The following MAST4 variants were observed in gnomAD, a reference collection of about 807,000 sequenced individuals.
MAST4 encodes the protein microtubule associated serine/threonine kinase family member 4.
MAST4 carries 89 observed loss-of-function variants against 162.7 expected under a neutral mutation model. The observed-to-expected ratio is 0.55, with a 90% CI of 0.46 to 0.65. MAST4 has a LOEUF of 0.65. Among genes scored for constraint, MAST4 ranks in the 30% least tolerant of loss-of-function variants. MAST4 has a pLI of 0.00. For missense variants in MAST4, 3,153 were observed against 3,374.0 expected, an observed-to-expected ratio of 0.93 and a Z score of 1.62; for synonymous variants, 1,479 against 1,361.1, an observed-to-expected ratio of 1.09 and a Z score of -1.91.
intron 4 of MAST4, among the ~76,000 whole-genome samples, chr5:66,972,686 A>G (rs1467499327): frequency 2.0e-5 from 3 of 152,182 alleles, no homozygotes; most frequent in Non-Finnish European, 4.4e-5. Context: ...GTAGCCTTCT[A>G]GCATGTCTTC....
At chr5:66,605,779 A>G (rs957884558) in intron 1 of MAST4, among the ~76,000 whole-genome samples, 3 of 152,148 alleles carry the variant, frequency 2.0e-5, no homozygotes, top group African/African-American at 7.2e-5. Context: ...TTCAGAGGAC[A>G]AGGGATTAAA....
intron 4 of MAST4, among the ~76,000 whole-genome samples, chr5:66,915,446 A>G (rs1764049674): frequency 6.6e-6 from 1 of 152,170 alleles, no homozygotes. Flanking sequence ...GAAGATTTCT[A>G]AAAAGGTTAT....
rs1484014772 is a variant in MAST4 at position 67,078,850 on chromosome 5, A to G, written c.764-11312A>G. 4.3e-5 allele frequency among the ~76,000 whole-genome samples: 5 copies of G among 115,460 alleles called. No homozygotes were observed. In the East Asian group the frequency reaches 8.4e-4, roughly 19 times the overall value. 75.7% of individuals were successfully genotyped at this position (115,460 alleles called of 152,430 possible). A position where few individuals can be genotyped will look rare whatever the true frequency, so the allele number is the denominator to read the frequency against. On this transcript the variant is annotated intron_variant, in intron 5 of 28. Coordinates refer to ENST00000403625, the MANE Select transcript of MAST4 (RefSeq NM_001164664.2). ...TATATTTATATATTTAAATATATTT[A>G]TATATTTATATAAATATATATTTAT...
intron 1 of MAST4, among the ~76,000 whole-genome samples, chr5:66,699,852 A>C (rs1220689741): frequency 6.7e-6 from 1 of 148,982 alleles, no homozygotes; most frequent in African/African-American, 2.4e-5. Flanking sequence ...GGGTGCAGCA[A>C]ACCACCGTGG....
chr5:67,150,259 T>G (rs1431221266), intron 24 of MAST4, among the ~76,000 whole-genome samples: 1 of 152,222 alleles, frequency 6.6e-6, no homozygotes, highest in African/African-American at 2.4e-5. Flanking sequence ...CTGGCAGAAA[T>G]GAAATATACA....
intron 2 of MAST4, among the ~76,000 whole-genome samples, chr5:66,781,981 G>A (rs1031051753): frequency 6.6e-6 from 1 of 152,068 alleles, no homozygotes; most frequent in Non-Finnish European, 1.5e-5. Flanking sequence ...CCAGCTTCGG[G>A]GTGCTTTGAA....
intron 5 of MAST4, among the ~76,000 whole-genome samples, chr5:67,079,392 G>T (rs771744973): frequency 6.0e-4 from 91 of 152,084 alleles, no homozygotes; most frequent in Middle Eastern, 3.4e-3. Flanking sequence ...TAGTATTTTG[G>T]GAGGAATTTT....
chr5:66,698,651 C>T (rs191000834), intron 1 of MAST4, among the ~76,000 whole-genome samples: 2 of 152,284 alleles, frequency 1.3e-5, no homozygotes, highest in East Asian at 3.9e-4. Context: ...CTCACAGGAA[C>T]TCCATATTTA....
At chr5:66,653,145 T>C (rs1746334488) in intron 1 of MAST4, among the ~76,000 whole-genome samples, 1 of 152,230 alleles carries the variant, frequency 6.6e-6, no homozygotes, top group Non-Finnish European at 1.5e-5. Context: ...TAAATATTCA[T>C]CATTAATAGC....
intron 4 of MAST4, among the ~76,000 whole-genome samples, chr5:66,989,528 C>T (rs1434325955): frequency 2.6e-5 from 4 of 152,136 alleles, no homozygotes; most frequent in Admixed American, 2.6e-4. Flanking sequence ...GAATGCAGGT[C>T]TGTGGCTTTG....
chr5:66,870,870 C>T (rs746390971), intron 3 of MAST4: 1 of 471,286 alleles, frequency 2.1e-6, no homozygotes, highest in Non-Finnish European at 4.4e-6. Context: ...TGTCCTGTTG[C>T]CCTGGGCAAC....
intron 1 of MAST4, among the ~76,000 whole-genome samples, chr5:66,759,092 A>G (rs1404370195): frequency 6.6e-6 from 1 of 152,192 alleles, no homozygotes; most frequent in Non-Finnish European, 1.5e-5. Flanking sequence ...GATTCTTGTG[A>G]CAGGTTTTCT....
At chr5:66,975,872 G>A (rs562621234) in intron 4 of MAST4, among the ~76,000 whole-genome samples, 1 of 152,200 alleles carries the variant, frequency 6.6e-6, no homozygotes, top group African/African-American at 2.4e-5. Flanking sequence ...GTGCATACCT[G>A]TAATTCCAGC....
chr5:66,757,788 A>G (rs569132915), intron 1 of MAST4, among the ~76,000 whole-genome samples: 19 of 152,330 alleles, frequency 1.2e-4, no homozygotes, highest in African/African-American at 3.8e-4. Context: ...GTAGTTGCAA[A>G]TGTTTTTCTG....
chr5:66,623,946 G>A lies in MAST4; in HGVS notation c.363+26928G>A, dbSNP rs552335113. Reference sequence around the variant, plus strand: ...CAAAAATCAACATACAAAAACAGTGGCATATCTGTACATCAACAATAAACT... The same window carrying A: ...CAAAAATCAACATACAAAAACAGTGACATATCTGTACATCAACAATAAACT... On this transcript the variant is annotated intron_variant, in intron 1 of 28. Coordinates refer to ENST00000403625, the MANE Select transcript of MAST4 (RefSeq NM_001164664.2). 2.6e-5 allele frequency among the ~76,000 whole-genome samples: 4 copies of A among 152,166 alleles called. No homozygotes were observed. The South Asian group carries it at 8.3e-4, about 32-fold the overall frequency.
At chr5:66,607,433 G>A (rs752669397) in intron 1 of MAST4, among the ~76,000 whole-genome samples, 5 of 152,156 alleles carry the variant, frequency 3.3e-5, no homozygotes, top group Non-Finnish European at 7.4e-5. Context: ...TGGCTTTGGG[G>A]AGTTGTATTC....
intron 3 of MAST4, among the ~76,000 whole-genome samples, chr5:66,827,985 CTG>C (rs1757353897): frequency 6.6e-6 from 1 of 152,174 alleles, no homozygotes; most frequent in African/African-American, 2.4e-5. Context: ...CTGAGACAGA[CTG>C]TGAAATTGCA....
At chr5:66,735,472 G>A (rs572129779) in intron 1 of MAST4, among the ~76,000 whole-genome samples, 6 of 152,254 alleles carry the variant, frequency 3.9e-5, no homozygotes, top group Admixed American at 2.0e-4. Flanking sequence ...ATGGAAGGTG[G>A]TGTTTTCAAC....
At chr5:66,932,980 A>G (rs1485055529) in intron 4 of MAST4, among the ~76,000 whole-genome samples, 2 of 152,164 alleles carry the variant, frequency 1.3e-5, no homozygotes, top group Non-Finnish European at 2.9e-5. Context: ...AATTATTTCT[A>G]ATCTCCTCAT....
Sources: allele counts gnomAD v4.1 joint callset (sites outside exome capture counted in the v4.1 genomes callset), GRCh38; gene constraint gnomAD v4.1.1; transcripts MANE v1.5; gene names NCBI Gene and HGNC (gene_info 2026-07-23, HGNC 2026-07-21).